HS6ST3: variants seen among roughly 807,000 people sequenced by gnomAD.
HS6ST3 encodes heparan-sulfate 6-O-sulfotransferase 3.
A neutral mutation model predicts 36.7 loss-of-function variants in HS6ST3; 12 were observed. The ratio of observed to expected loss-of-function variants is 0.33; its 90% CI spans 0.21 to 0.53. The LOEUF is 0.53. Among genes scored for constraint, HS6ST3 ranks in the 20% least tolerant of loss-of-function variants. The probability of loss-of-function intolerance (pLI) is 0.95; values close to 1 mark genes in which losing one functional copy is unlikely to be tolerated. For missense variants in HS6ST3, 584 were observed against 640.9 expected, an observed-to-expected ratio of 0.91 and a Z score of 0.96; for synonymous variants, 240 against 257.5, an observed-to-expected ratio of 0.93 and a Z score of 0.65.
chr13:96,752,182 C>T (rs1014283034), intron 1 of HS6ST3, among the ~76,000 whole-genome samples: 9 of 152,010 alleles, frequency 5.9e-5, no homozygotes, highest in Non-Finnish European at 1.2e-4. Context: ...TTCAGATATG[C>T]TGGTATCATT....
rs916386331 is a variant in HS6ST3 at position 96,311,081 on chromosome 13, A to G, written c.707+219512A>G. ...AGAGCAAATAAGCAAAAAGTACTCT[A>G]ATGAATGAATTTGATAACTGGGTTT... On this transcript the variant is annotated intron_variant, in intron 1 of 1. Coordinates refer to ENST00000376705, the MANE Select transcript of HS6ST3 (RefSeq NM_153456.4). Among the ~76,000 whole-genome samples, 4 of 152,212 alleles carry G rather than the reference A, an allele frequency of 2.6e-5. No homozygotes were observed. In the East Asian group the frequency reaches 5.8e-4, roughly 22 times the overall value.
chr13:96,321,675 C>T (rs1260877194), intron 1 of HS6ST3, among the ~76,000 whole-genome samples: 1 of 152,088 alleles, frequency 6.6e-6, no homozygotes, highest in Non-Finnish European at 1.5e-5. Context: ...TCATTTTAGC[C>T]CCTCTCTTGC....
chr13:96,695,408 A>C (rs904847741), intron 1 of HS6ST3, among the ~76,000 whole-genome samples: 2 of 152,180 alleles, frequency 1.3e-5, no homozygotes, highest in African/African-American at 4.8e-5. Flanking sequence ...GTTTGGCAAT[A>C]TATAACGAAA....
chr13:96,216,864 A>G (rs750246586), intron 1 of HS6ST3, among the ~76,000 whole-genome samples: 34 of 152,202 alleles, frequency 2.2e-4, no homozygotes, highest in Admixed American at 1.1e-3. Flanking sequence ...TACTAAAAAT[A>G]AAAGGAACAC....
At chr13:96,488,710 AC>A (rs2055928529) in intron 1 of HS6ST3, among the ~76,000 whole-genome samples, 1 of 152,118 alleles carries the variant, frequency 6.6e-6, no homozygotes, top group Non-Finnish European at 1.5e-5. Context: ...GTGATTAATC[AC>A]TGCCATCTGC....
intron 1 of HS6ST3, among the ~76,000 whole-genome samples, chr13:96,744,813 A>T (rs2138487638): frequency 6.6e-6 from 1 of 152,234 alleles, no homozygotes; most frequent in Admixed American, 6.5e-5. Context: ...GTGTATTTGC[A>T]TGGGCAAATT....
At chr13:96,256,826 A>G (rs909794124) in intron 1 of HS6ST3, among the ~76,000 whole-genome samples, 2 of 152,204 alleles carry the variant, frequency 1.3e-5, no homozygotes, top group African/African-American at 2.4e-5. Context: ...TGAGAATTGC[A>G]GCATATTTTA....
chr13:96,458,658 G>T (rs2055766282), intron 1 of HS6ST3, among the ~76,000 whole-genome samples: 1 of 151,502 alleles, frequency 6.6e-6, no homozygotes, highest in Admixed American at 6.6e-5. Flanking sequence ...AAAAAAGAAT[G>T]GTCTTTGAAC....
intron 1 of HS6ST3, among the ~76,000 whole-genome samples, chr13:96,389,144 A>G (rs1039585381): frequency 2.0e-5 from 3 of 152,180 alleles, no homozygotes; most frequent in Admixed American, 6.6e-5. Flanking sequence ...TAGACTTGCT[A>G]TATACTAGAC....
At chr13:96,180,090 C>T (rs548901216) in intron 1 of HS6ST3, among the ~76,000 whole-genome samples, 1 of 152,288 alleles carries the variant, frequency 6.6e-6, no homozygotes, top group East Asian at 1.9e-4. Context: ...CCGCCTCAGC[C>T]TCCCAAAGTG....
At chr13:96,332,563 T>G (rs9634488) in intron 1 of HS6ST3, among the ~76,000 whole-genome samples, 6,801 of 152,302 alleles carry the variant, frequency 0.045, 177 homozygotes, top group South Asian at 0.1. Context: ...GGTGGACTTT[T>G]TGTCTTCCTC....
At chr13:96,290,492 A>G (rs932138604) in intron 1 of HS6ST3, among the ~76,000 whole-genome samples, 3 of 152,162 alleles carry the variant, frequency 2.0e-5, no homozygotes, top group South Asian at 4.1e-4. Flanking sequence ...ATGTGCCACA[A>G]TAAGAGGATT....
intron 1 of HS6ST3, among the ~76,000 whole-genome samples, chr13:96,109,691 G>A (rs1159192552): frequency 6.6e-6 from 1 of 152,140 alleles, no homozygotes; most frequent in African/African-American, 2.4e-5. Flanking sequence ...ATGAAGGAAA[G>A]GCCTAGAAAT....
intron 1 of HS6ST3, among the ~76,000 whole-genome samples, chr13:96,412,288 C>T (rs2055511906): frequency 6.6e-6 from 1 of 152,150 alleles, no homozygotes; most frequent in African/African-American, 2.4e-5. Context: ...CAGGCGAGAG[C>T]CACTGCACCT....
Position 96,176,681 on chromosome 13 carries a change from G to A in HS6ST3, c.707+85112G>A, listed in dbSNP as rs914855826. Among the ~76,000 whole-genome samples, 4 of 152,176 alleles carry A rather than the reference G, an allele frequency of 2.6e-5. No individual in the cohort carries two copies. The East Asian group carries it at 7.7e-4, about 29-fold the overall frequency. ...AATCCAAACTTTGAGAAACTCTATG[G>A]GACAAATGGTTTTCTTCAACAAATT... On this transcript the variant is annotated intron_variant, in intron 1 of 1. Transcript: ENST00000376705.
At chr13:96,097,269 G>C (rs2053796045) in intron 1 of HS6ST3, among the ~76,000 whole-genome samples, 1 of 152,060 alleles carries the variant, frequency 6.6e-6, no homozygotes, top group African/African-American at 2.4e-5. Context: ...ATGTGGATTT[G>C]CTTAGTCTTA....
chr13:96,762,598 C>T (rs1566447460), intron 1 of HS6ST3, among the ~76,000 whole-genome samples: 2 of 152,166 alleles, frequency 1.3e-5, no homozygotes, highest in Non-Finnish European at 2.9e-5. Context: ...TAATCTCTCT[C>T]GTGGGTTGGT....
At position 96,233,097 on chromosome 13, in the gene HS6ST3, T is replaced by C. The variant is rs571811921; in HGVS notation, c.707+141528T>C. 2.6e-5 allele frequency among the ~76,000 whole-genome samples: 4 copies of C among 152,282 alleles called. No individual in the cohort carries two copies. In the East Asian group the frequency reaches 7.7e-4, roughly 29 times the overall value. ...ATACATTGCCTTTTTAAAAATAAAATACTGATTTTGTGTAAATAATATGTT... is the reference window on the plus strand; with the variant it reads ...ATACATTGCCTTTTTAAAAATAAAACACTGATTTTGTGTAAATAATATGTT... On this transcript the variant is annotated intron_variant, in intron 1 of 1. Coordinates refer to ENST00000376705, the MANE Select transcript of HS6ST3 (RefSeq NM_153456.4).
chr13:96,107,782 A>G (rs2053848494), intron 1 of HS6ST3, among the ~76,000 whole-genome samples: 2 of 152,232 alleles, frequency 1.3e-5, no homozygotes, highest in African/African-American at 4.8e-5. Context: ...GTTTCTGAAC[A>G]TAAATTATGA....
Sources: allele counts gnomAD v4.1 joint callset (sites outside exome capture counted in the v4.1 genomes callset), GRCh38; gene constraint gnomAD v4.1.1; transcripts MANE v1.5; gene names NCBI Gene and HGNC (gene_info 2026-07-23, HGNC 2026-07-21).